Variants in NSUN7 observed in about 807,000 individuals in gnomAD.
NSUN7 encodes NOP2/Sun RNA methyltransferase family member 7, also known as protein NSUN7.
NSUN7 carries 39 observed loss-of-function variants against 58.5 expected under a neutral mutation model. The ratio of observed to expected loss-of-function variants is 0.67; its 90% CI spans 0.52 to 0.87. The LOEUF is 0.87. Ranked by LOEUF, NSUN7 falls within the 40% of genes least tolerant of loss-of-function variation. The pLI, the probability that NSUN7 is intolerant of heterozygous loss-of-function variation, is 0.00. For synonymous variants in NSUN7, 278 were observed against 303.7 expected (o/e 0.92, Z 0.88); for missense variants, 765 against 844.1 (o/e 0.91, Z 1.16).
At chr4:40,752,910 T>C (rs924146828) in intron 2 of NSUN7, among the ~76,000 whole-genome samples, 15 of 34,416 alleles carry the variant, frequency 4.4e-4, no homozygotes, top group African/African-American at 2.8e-3. Flanking sequence ...TCCAGTTTAA[T>C]CTCTGAGATT....
At chr4:40,764,276 GT>G (rs1466337572) in intron 4 of NSUN7, among the ~76,000 whole-genome samples, 1 of 131,594 alleles carries the variant, frequency 7.6e-6, no homozygotes, top group Non-Finnish European at 1.5e-5. Flanking sequence ...CCCTTCCTGT[GT>G]CCATGTATGT....
At chr4:40,781,886 G>A (rs759003134) in intron 7 of NSUN7, among the ~76,000 whole-genome samples, 2 of 152,146 alleles carry the variant, frequency 1.3e-5, no homozygotes, top group Non-Finnish European at 2.9e-5. Context: ...ATAGATTCAA[G>A]TCAAGAAACA....
chr4:40,809,707 A>G lies in NSUN7; in HGVS notation c.*768A>G, dbSNP rs552864771. On this transcript the variant is annotated 3_prime_UTR_variant, in exon 12 of 12. Coordinates refer to ENST00000381782, the MANE Select transcript of NSUN7 (RefSeq NM_024677.6). ...AAACTGTTGAATGCAAGCGATACCT[A>G]TTGTTGAAGAAACCCACAAATTTCT... is the stretch of plus-strand genomic sequence containing the variant. 1.4e-5 allele frequency: 2 copies of G among 146,726 alleles called. No homozygotes were observed. The highest frequency in any genetic ancestry group is 1.4e-4 in the Admixed American group (2 of 14,570). The allele number at this position is 146,726 out of a possible 1,614,324, so 9.1% of individuals were successfully genotyped here. A position where few individuals can be genotyped will look rare whatever the true frequency, so the allele number is the denominator to read the frequency against.
chr4:40,785,510 C>A (rs576419764), intron 7 of NSUN7, among the ~76,000 whole-genome samples: 7 of 152,226 alleles, frequency 4.6e-5, no homozygotes, highest in Non-Finnish European at 1.0e-4. Context: ...CAGGCACGTG[C>A]CACCATGGCC....
intron 2 of NSUN7, among the ~76,000 whole-genome samples, chr4:40,758,937 C>G (rs934222376): frequency 1.3e-5 from 2 of 151,852 alleles, no homozygotes; most frequent in Non-Finnish European, 2.9e-5. Flanking sequence ...TCAATTTATA[C>G]CTTGGTTATA....
Position 40,750,658 on chromosome 4 carries a change from C to T in NSUN7, c.-36C>T. 6.2e-7 allele frequency: 1 copy of T among 1,602,522 alleles called. No homozygotes were observed. ...TTCCTGGAACATCGGAATTCTAACCCCAGGGTGAAGGACTCACGACAGGCG... is the reference window on the plus strand; with the variant it reads ...TTCCTGGAACATCGGAATTCTAACCTCAGGGTGAAGGACTCACGACAGGCG... On this transcript the variant is annotated 5_prime_UTR_variant, in exon 2 of 12. Coordinates refer to ENST00000381782, the MANE Select transcript of NSUN7 (RefSeq NM_024677.6).
intron 2 of NSUN7, among the ~76,000 whole-genome samples, chr4:40,751,805 G>A (rs188769927): frequency 6.6e-6 from 1 of 152,200 alleles, no homozygotes; most frequent in East Asian, 1.9e-4. Flanking sequence ...ACCAGCCTGG[G>A]CATATAGTGA....
At chr4:40,798,128 A>G (rs540636123) in intron 9 of NSUN7, among the ~76,000 whole-genome samples, 30 of 152,228 alleles carry the variant, frequency 2.0e-4, no homozygotes, top group African/African-American at 6.7e-4. Flanking sequence ...GCTTTTCTCC[A>G]TAGCATTGAT....
At chr4:40,782,610 G>A (rs1000648704) in intron 7 of NSUN7, among the ~76,000 whole-genome samples, 3 of 151,702 alleles carry the variant, frequency 2.0e-5, no homozygotes, top group Non-Finnish European at 4.4e-5. Flanking sequence ...GCTCACATCC[G>A]TAATCTCAGC....
At chr4:40,808,269 C>G in intron 11 of NSUN7, 38 bp from the exon 12 acceptor site, 2 of 1,554,398 alleles carry the variant, frequency 1.3e-6, no homozygotes, top group Non-Finnish European at 1.7e-6. Context: ...ACAATAATAG[C>G]TAACTCCCAC....
At chr4:40,805,766 C>T (rs1743785938) in intron 10 of NSUN7, among the ~76,000 whole-genome samples, 1 of 152,164 alleles carries the variant, frequency 6.6e-6, no homozygotes, top group Admixed American at 6.5e-5. Context: ...GGCCTGTCCC[C>T]TGCGCTCTCC....
At chr4:40,757,626 T>TACAC (rs1183886425) in intron 2 of NSUN7, among the ~76,000 whole-genome samples, 54 of 146,228 alleles carry the variant, frequency 3.7e-4, no homozygotes, top group African/African-American at 8.3e-4. Context: ...TGTATATATA[T>TACAC]ATACATTGTG....
intron 10 of NSUN7, among the ~76,000 whole-genome samples, chr4:40,801,538 A>G (rs369539335): frequency 6.6e-6 from 1 of 152,030 alleles, no homozygotes; most frequent in Non-Finnish European, 1.5e-5. Context: ...TGCTGTTTTC[A>G]TATGAATTAC....
At chr4:40,799,226 C>T (rs1017911879) in intron 10 of NSUN7, among the ~76,000 whole-genome samples, 3 of 151,722 alleles carry the variant, frequency 2.0e-5, no homozygotes, top group African/African-American at 7.3e-5. Flanking sequence ...GCTGGGATTA[C>T]AGGCAAGTGC....
Position 40,798,776 on chromosome 4 carries a change from T to C in NSUN7, c.1283-11T>C. The C allele has an allele frequency of 6.7e-7, 1 of 1,485,442 alleles. No individual in the cohort carries two copies. The highest frequency in any genetic ancestry group is 9.4e-7 in the Non-Finnish European group (1 of 1,068,302). The allele number at this position is 1,485,442 out of a possible 1,614,324, so 92.0% of individuals were successfully genotyped here. ...TAGTTGTTACAGTCATTGCATCTTC[T>C]TCTAATATAGTTACTAAAGCTCAAG... On this transcript the variant is annotated splice_polypyrimidine_tract_variant and intron_variant, in intron 9 of 11. Transcript: ENST00000381782.
chr4:40,799,073 C>CTTTTTGTTTTTT lies in NSUN7; in HGVS notation c.1400+174_1400+175insGTTTTTTTTTTT, dbSNP rs1553919775. Among the ~76,000 whole-genome samples the CTTTTTGTTTTTT allele has an allele frequency of 4.7e-4, 36 of 76,240 alleles. 10 individuals carry two copies. The highest frequency in any genetic ancestry group is 8.5e-4 in the Admixed American group (5 of 5,916). 50.0% of individuals were successfully genotyped at this position (76,240 alleles called of 152,430 possible). ...AACCAAGATTCCATAGGGCCTTTTT[C>CTTTTTGTTTTTT]TTTTTTTTTTTTTTTTTTTTTTTTT... On this transcript the variant is annotated intron_variant, in intron 10 of 11. Transcript: ENST00000381782.
At chr4:40,756,374 A>G (rs1741144483) in intron 2 of NSUN7, among the ~76,000 whole-genome samples, 1 of 152,226 alleles carries the variant, frequency 6.6e-6, no homozygotes, top group African/African-American at 2.4e-5. Context: ...ATGGTGGTTA[A>G]GAGATCCCTG....
intron 1 of NSUN7, 25 bp downstream of exon 1, chr4:40,750,325 G>T: frequency 5.4e-6 from 1 of 185,766 alleles, no homozygotes; most frequent in Non-Finnish European, 1.1e-5. Context: ...GGGGGAGCCG[G>T]TGACTGGGCT....
At chr4:40,772,018 A>G (rs1322851211) in intron 4 of NSUN7, among the ~76,000 whole-genome samples, 3 of 152,100 alleles carry the variant, frequency 2.0e-5, no homozygotes, top group African/African-American at 7.2e-5. Context: ...TTATTTTAAG[A>G]ACATATGGAT....
Sources: gnomAD v4.1 joint callset for allele counts (sites outside exome capture counted in the v4.1 genomes callset) on GRCh38, gnomAD v4.1.1 for gene constraint, MANE v1.5 for transcripts, NCBI Gene and HGNC (gene_info 2026-07-23, HGNC 2026-07-21) for gene names.